The following GPC6 variants were observed in gnomAD, a reference collection of about 807,000 sequenced individuals.
The protein encoded by GPC6 is glypican 6.
A neutral mutation model predicts 55.2 loss-of-function variants in GPC6; 14 were observed. That is an observed-to-expected ratio of 0.25 (90% CI 0.17 to 0.40). The LOEUF is 0.40. Ranked by LOEUF, GPC6 falls within the 10% of genes least tolerant of loss-of-function variation. The pLI is 1.00. For missense variants in GPC6, 641 were observed against 708.5 expected (o/e 0.90, Z 1.08); for synonymous variants, 278 against 259.6 (o/e 1.07, Z -0.68).
intron 2 of GPC6, among the ~76,000 whole-genome samples, chr13:93,744,041 T>C (rs1884300720): frequency 6.6e-6 from 1 of 152,234 alleles, no homozygotes; most frequent in South Asian, 2.1e-4. Flanking sequence ...AAAAATACTT[T>C]AGAGTACAGA....
At chr13:94,066,171 A>G (rs1157826696) in intron 4 of GPC6, among the ~76,000 whole-genome samples, 1 of 152,202 alleles carries the variant, frequency 6.6e-6, no homozygotes, top group East Asian at 1.9e-4. Context: ...AGTAAAATCA[A>G]GATATATTTT....
chr13:93,599,788 C>G (rs1018251247), intron 2 of GPC6, among the ~76,000 whole-genome samples: 20 of 152,150 alleles, frequency 1.3e-4, no homozygotes, highest in African/African-American at 4.8e-4. Context: ...TAGTTAGCAG[C>G]TTTTTCTAAT....
chr13:94,038,711 C>T (rs1310621782), intron 4 of GPC6, among the ~76,000 whole-genome samples: 1 of 151,892 alleles, frequency 6.6e-6, no homozygotes, highest in Non-Finnish European at 1.5e-5. Flanking sequence ...ATTCACAGAG[C>T]ACTGAGGGCA....
chr13:93,387,581 C>A (rs888871950), intron 1 of GPC6, among the ~76,000 whole-genome samples: 4 of 152,116 alleles, frequency 2.6e-5, no homozygotes, highest in African/African-American at 9.7e-5. Context: ...AATGCTTTGC[C>A]TCTAAAAATA....
chr13:93,399,923 G>A (rs184075184), intron 1 of GPC6, among the ~76,000 whole-genome samples: 1 of 152,316 alleles, frequency 6.6e-6, no homozygotes, highest in African/African-American at 2.4e-5. Flanking sequence ...CTAGAACTTA[G>A]GGAGTTTCAG....
intron 1 of GPC6, among the ~76,000 whole-genome samples, chr13:93,447,471 TC>T (rs1878051710): frequency 6.6e-6 from 1 of 152,150 alleles, no homozygotes; most frequent in Non-Finnish European, 1.5e-5. Context: ...ATTCCCTCTG[TC>T]CATTCTGCTC....
chr13:94,401,407 T>C (rs573583788), intron 8 of GPC6, among the ~76,000 whole-genome samples: 29 of 152,060 alleles, frequency 1.9e-4, no homozygotes, highest in African/African-American at 7.0e-4. Flanking sequence ...CAGGTTTGAG[T>C]GACAGGATTT....
intron 4 of GPC6, among the ~76,000 whole-genome samples, chr13:94,126,799 CTTGAGG>C (rs972488103): frequency 1.3e-5 from 2 of 152,104 alleles, no homozygotes; most frequent in Non-Finnish European, 2.9e-5. Flanking sequence ...TTATTTCTCT[CTTGAGG>C]TAATAGTATT....
At chr13:93,449,766 T>G (rs2139299747) in intron 1 of GPC6, among the ~76,000 whole-genome samples, 1 of 151,764 alleles carries the variant, frequency 6.6e-6, no homozygotes, top group South Asian at 2.1e-4. Flanking sequence ...AGGCAGAGGT[T>G]GCAGTGAGCT....
chr13:93,536,288 G>A (rs1367369926), intron 1 of GPC6, among the ~76,000 whole-genome samples: 5 of 151,876 alleles, frequency 3.3e-5, no homozygotes, highest in Non-Finnish European at 7.4e-5. Context: ...ATGTTTAATG[G>A]CATCAAGTGC....
chr13:93,701,064 T>C (rs1882650481), intron 2 of GPC6, among the ~76,000 whole-genome samples: 1 of 152,082 alleles, frequency 6.6e-6, no homozygotes, highest in South Asian at 2.1e-4. Context: ...AAAGGAAATA[T>C]TTTAAGAAGC....
chr13:93,572,771 G>A (rs1297722374), intron 2 of GPC6, among the ~76,000 whole-genome samples: 3 of 152,142 alleles, frequency 2.0e-5, no homozygotes, highest in Non-Finnish European at 1.5e-5. Context: ...TGTTAAGCCA[G>A]AACTTTATAT....
rs180801678 is a variant in GPC6, at chr13:94,397,632, G to A, written c.1290-834G>A. Among the ~76,000 whole-genome samples, 157 of 152,258 alleles carry A rather than the reference G, an allele frequency of 1.0e-3. 2 individuals carry two copies. The highest frequency in any genetic ancestry group is 8.4e-3 in the Admixed American group (128 of 15,298). ...GAATTTCTTCTGATTAAGATCTGAG[G>A]TAGGGCCTCTGCAGTTGAGAATGGG... On this transcript the variant is annotated intron_variant, in intron 7 of 8. Transcript: ENST00000377047.
intron 4 of GPC6, among the ~76,000 whole-genome samples, chr13:94,126,542 A>C (rs906256884): frequency 6.6e-6 from 1 of 152,156 alleles, no homozygotes; most frequent in Non-Finnish European, 1.5e-5. Context: ...TTTGTTTTCA[A>C]AGAGTTGAGG....
At chr13:94,083,489 C>T (rs1019644887) in intron 4 of GPC6, among the ~76,000 whole-genome samples, 1 of 152,146 alleles carries the variant, frequency 6.6e-6, no homozygotes, top group Non-Finnish European at 1.5e-5. Flanking sequence ...TATTCTCTGT[C>T]CCATTCCCAT....
chr13:93,741,117 C>CTTTTTTT (rs772541106), intron 2 of GPC6, among the ~76,000 whole-genome samples: 10 of 77,192 alleles, frequency 1.3e-4, no homozygotes, highest in East Asian at 3.8e-4. Context: ...CATCCAGAAT[C>CTTTTTTT]TTTTTTTTTT....
At chr13:93,789,598 C>CATATATAT (rs755185604) in intron 2 of GPC6, among the ~76,000 whole-genome samples, 52 of 67,680 alleles carry the variant, frequency 7.7e-4, no homozygotes, top group Non-Finnish European at 1.1e-3. Flanking sequence ...TATAATACTA[C>CATATATAT]ATATATATAT....
intron 7 of GPC6, among the ~76,000 whole-genome samples, chr13:94,397,150 T>C (rs1410813326): frequency 6.6e-6 from 1 of 151,988 alleles, no homozygotes; most frequent in African/African-American, 2.4e-5. Context: ...TGCAGGATGC[T>C]CTAGAGAGGA....
intron 3 of GPC6, among the ~76,000 whole-genome samples, chr13:93,952,200 C>G (rs1879281878): frequency 6.6e-6 from 1 of 151,948 alleles, no homozygotes; most frequent in African/African-American, 2.4e-5. Context: ...CAAACAGATC[C>G]AGAAGATAGA....
Sources: gnomAD v4.1 joint callset for allele counts (sites outside exome capture counted in the v4.1 genomes callset) on GRCh38, gnomAD v4.1.1 for gene constraint, MANE v1.5 for transcripts, NCBI Gene and HGNC (gene_info 2026-07-23, HGNC 2026-07-21) for gene names.